PAK1: variants seen among roughly 807,000 people sequenced by gnomAD.
The protein encoded by PAK1 is p21 (RAC1) activated kinase 1, also known as serine/threonine-protein kinase PAK 1.
PAK1 carries 29 observed loss-of-function variants against 67.4 expected under a neutral mutation model. The ratio of observed to expected loss-of-function variants is 0.43; its 90% CI spans 0.32 to 0.59. The LOEUF is 0.59. PAK1 is among the 20% of genes least tolerant of loss of function. PAK1 has a pLI of 0.07. For synonymous variants in PAK1, 223 were observed against 237.4 expected (o/e 0.94, Z 0.56); for missense variants, 337 against 670.7 (o/e 0.50, Z 5.50).
chr11:77,444,421 T>C (rs879115222), intron 1 of PAK1, among the ~76,000 whole-genome samples: 6 of 152,178 alleles, frequency 3.9e-5, no homozygotes, highest in Admixed American at 3.9e-4. Context: ...GGTGTGGTCA[T>C]GCTCAAAAAC....
chr11:77,486,808 G>A, the PAK1 span, among the ~76,000 whole-genome samples: 375 of 152,340 alleles, frequency 2.5e-3, 2 homozygotes, highest in African/African-American at 8.8e-3. Flanking sequence ...CTGAGTTCCA[G>A]CAAGCCTCAT....
intron 1 of PAK1, among the ~76,000 whole-genome samples, chr11:77,406,917 C>T (rs1449016635): frequency 6.6e-6 from 1 of 152,146 alleles, no homozygotes; most frequent in African/African-American, 2.4e-5. Context: ...GTAACTGGCA[C>T]TATTGATTGG....
At chr11:77,356,431 T>TA (rs777982197) in intron 6 of PAK1, 13 of 152,270 alleles carry the variant, frequency 8.5e-5, no homozygotes, top group Non-Finnish European at 1.8e-4. Flanking sequence ...CAAGAGGTAG[T>TA]AGAGTGTGAT....
chr11:77,334,343 G>C (rs1272613615), intron 13 of PAK1, among the ~76,000 whole-genome samples: 2 of 152,096 alleles, frequency 1.3e-5, no homozygotes, highest in African/African-American at 4.8e-5. Flanking sequence ...GGGATCAAAG[G>C]ATAGAAACTA....
intron 1 of PAK1, among the ~76,000 whole-genome samples, chr11:77,429,106 A>T (rs1404882590): frequency 7.0e-6 from 1 of 143,050 alleles, no homozygotes; most frequent in East Asian, 2.1e-4. Flanking sequence ...ACACACACAC[A>T]CATCAGGATT....
chr11:77,341,578 G>A (rs572362317), intron 10 of PAK1, among the ~76,000 whole-genome samples: 5 of 152,088 alleles, frequency 3.3e-5, no homozygotes, highest in Middle Eastern at 3.2e-3. Context: ...CCTATTACAC[G>A]ATAAATAAAA....
chr11:77,463,383 C>T (rs1024795367), intron 1 of PAK1, among the ~76,000 whole-genome samples: 9 of 151,870 alleles, frequency 5.9e-5, no homozygotes, highest in Non-Finnish European at 1.3e-4. Context: ...AAATTTTTAA[C>T]GTACATAAAA....
chr11:77,520,220 AG>A, the PAK1 span, among the ~76,000 whole-genome samples: 1 of 152,180 alleles, frequency 6.6e-6, no homozygotes, highest in Non-Finnish European at 1.5e-5. Flanking sequence ...CATTAGAATA[AG>A]GATAAGGACA....
intron 1 of PAK1, among the ~76,000 whole-genome samples, chr11:77,408,517 G>A (rs1953978638): frequency 7.0e-6 from 1 of 143,710 alleles, no homozygotes; most frequent in Non-Finnish European, 1.5e-5. Context: ...AATTAGTAGA[G>A]CCACTATGGA....
At chr11:77,439,126 G>A (rs1405998185) in intron 1 of PAK1, among the ~76,000 whole-genome samples, 1 of 152,136 alleles carries the variant, frequency 6.6e-6, no homozygotes, top group Admixed American at 6.5e-5. Context: ...TTAGGACTTT[G>A]GCTTTTAAGC....
chr11:77,393,010 T>C (rs575037492), intron 1 of PAK1, among the ~76,000 whole-genome samples: 1 of 152,282 alleles, frequency 6.6e-6, no homozygotes, highest in Middle Eastern at 3.4e-3. Context: ...CTTTCCCTCT[T>C]GGGAATGGAC....
At chr11:77,398,981 T>G (rs901912501) in intron 1 of PAK1, among the ~76,000 whole-genome samples, 4 of 152,230 alleles carry the variant, frequency 2.6e-5, no homozygotes, top group African/African-American at 9.7e-5. Flanking sequence ...AAATGAATTC[T>G]TATTCCTCCA....
intron 1 of PAK1, among the ~76,000 whole-genome samples, chr11:77,413,614 C>T (rs1297029244): frequency 2.6e-5 from 4 of 151,586 alleles, no homozygotes; most frequent in African/African-American, 7.3e-5. Context: ...ACCCAGGAGG[C>T]GGAAGTTGCA....
chr11:77,323,316 T>G lies in PAK1; in HGVS notation c.1596A>C (p.Pro532=), dbSNP rs1230611742. 3.1e-6 allele frequency: 5 copies of G among 1,613,940 alleles called. No individual in the cohort carries two copies. Among genetic ancestry groups the G allele is most frequent in the Non-Finnish European group, 4.2e-6 (5 of 1,179,886 alleles). ...TTGCCTCCTTAGCTGCAGCAATCAG[T>G]GGAGTGAGGCTGGAGAGGGGCTTGG... The part of the protein sequence containing the change: ...KIAKPLSSLT[P]LIAAAKEATK... The change falls in exon 15 of 15, where the codon CCA becomes CCC. Residue 532 remains proline (P), a synonymous_variant. Coordinates refer to ENST00000356341, the MANE Select transcript of PAK1 (RefSeq NM_002576.5).
At chr11:77,419,797 TGTA>T (rs1955160214) in intron 1 of PAK1, among the ~76,000 whole-genome samples, 1 of 152,222 alleles carries the variant, frequency 6.6e-6, no homozygotes, top group African/African-American at 2.4e-5. Context: ...AATTTTTTCT[TGTA>T]GTAATTAGAT....
intron 14 of PAK1, among the ~76,000 whole-genome samples, chr11:77,326,404 T>C (rs1199870261): frequency 6.6e-6 from 1 of 152,182 alleles, no homozygotes; most frequent in Non-Finnish European, 1.5e-5. Flanking sequence ...TCTAAACTTA[T>C]GTTCCATGGA....
chr11:77,505,693 A>G, the PAK1 span, among the ~76,000 whole-genome samples: 1 of 152,240 alleles, frequency 6.6e-6, no homozygotes, highest in African/African-American at 2.4e-5. Flanking sequence ...GCTTATTTCC[A>G]GTAACATCCT....
chr11:77,466,176 G>A (rs1207548004), intron 1 of PAK1, among the ~76,000 whole-genome samples: 1 of 152,132 alleles, frequency 6.6e-6, no homozygotes, highest in Non-Finnish European at 1.5e-5. Flanking sequence ...TAGGTGAGAA[G>A]GTTAAGAATC....
At position 77,454,836 on chromosome 11, in the gene PAK1, A is replaced by ATCAGATTT. The variant is rs1957012499; in HGVS notation, c.-22+18708_-22+18715dup. Among the ~76,000 whole-genome samples the ATCAGATTT allele has an allele frequency of 8.5e-5, 13 of 152,318 alleles. No individual in the cohort carries two copies. In the South Asian group the frequency reaches 2.7e-3, roughly 32 times the overall value. Reference sequence around the variant, plus strand: ...CTCCTTGCCAGTGATTAGTTCTTGAATCAGATTTAGGTTTACTCAATCAGT... The same window carrying ATCAGATTT: ...CTCCTTGCCAGTGATTAGTTCTTGAATCAGATTTTCAGATTTAGGTTTACTCAATCAGT... On this transcript the variant is annotated intron_variant, in intron 1 of 14. Transcript: ENST00000356341.
Sources: allele counts gnomAD v4.1 joint callset (sites outside exome capture counted in the v4.1 genomes callset), GRCh38; gene constraint gnomAD v4.1.1; transcripts MANE v1.5; gene names NCBI Gene and HGNC (gene_info 2026-07-23, HGNC 2026-07-21).